SLC17A3: variants seen among roughly 807,000 people sequenced by gnomAD.
SLC17A3 encodes solute carrier family 17 member 3.
Under a neutral mutation model 60.3 loss-of-function variants are expected in SLC17A3, and 61 were observed. The ratio of observed to expected loss-of-function variants is 1.01; its 90% CI spans 0.82 to 1.25. The LOEUF is 1.25. SLC17A3 is among the 50% of genes most tolerant of loss of function. The pLI, the probability that SLC17A3 is intolerant of heterozygous loss-of-function variation, is 0.00. For missense variants in SLC17A3, 624 were observed against 594.9 expected (o/e 1.05, Z -0.51); for synonymous variants, 192 against 208.9 (o/e 0.92, Z 0.70).
chr6:25,850,197 T>G lies in SLC17A3; in HGVS notation c.994-20A>C. The G allele has an allele frequency of 6.2e-7, 1 of 1,609,524 alleles. No individual in the cohort carries two copies. The highest frequency in any genetic ancestry group is 8.5e-7 in the Non-Finnish European group (1 of 1,177,160). ...TCCATTCTAAAGAGAAAAGATTGAG[T>G]AAATTACCATAATAAAGGCAGTGAG... On this transcript the variant is annotated intron_variant, in intron 8 of 12. Coordinates refer to ENST00000397060, the MANE Select transcript of SLC17A3 (RefSeq NM_001098486.2).
rs1581528481 is a variant in SLC17A3 at position 25,862,021 on chromosome 6, C to T, written c.312G>A (p.Val104=). 6.2e-7 allele frequency: 1 copy of T among 1,603,330 alleles called. No individual in the cohort carries two copies. The highest frequency in any genetic ancestry group is 1.1e-5 in the South Asian group (1 of 89,074). ...CTTGGATTTGAGGAGACCAGTCATA[C>T]ACAGGAGCCTTAGAGAAACAGAGAA... is the stretch of plus-strand genomic sequence containing the variant. ...APKSLPAKAP[V]YDWSPQIQGI... The change falls in exon 4 of 13, where the codon GTG becomes GTA. Residue 104 remains valine (V), a synonymous_variant. Coordinates refer to ENST00000397060, the MANE Select transcript of SLC17A3 (RefSeq NM_001098486.2).
In SLC17A3 at chr6:25,848,627, G is replaced by T. The variant is rs375327588; in HGVS notation, c.1362+747C>A. ...AGATAGATCAAGGACTTAAATCTAA[G>T]ACCTGAAACTATAACAATTCTAGAA... On this transcript the variant is annotated intron_variant, in intron 11 of 12. Transcript: ENST00000397060. Among the ~76,000 whole-genome samples the T allele has an allele frequency of 7.9e-5, 12 of 152,260 alleles. No homozygotes were observed. The East Asian group carries it at 2.1e-3, about 27-fold the overall frequency.
chr6:25,845,239 G>T lies in SLC17A3; in HGVS notation c.*62C>A. ...ATCTTTTCACTGGTATTTTCATCAC[G>T]GAAGCCTTCTATTTTATGCAATACG... On this transcript the variant is annotated 3_prime_UTR_variant, in exon 13 of 13. Coordinates refer to ENST00000397060, the MANE Select transcript of SLC17A3 (RefSeq NM_001098486.2). 1.1e-6 allele frequency: 1 copy of T among 906,404 alleles called. No individual in the cohort carries two copies. The highest frequency in any genetic ancestry group is 1.7e-6 in the Non-Finnish European group (1 of 584,864). 56.1% of individuals were successfully genotyped at this position (906,404 alleles called of 1,614,324 possible).
At chr6:25,861,364 C>T in intron 5 of SLC17A3, among the ~76,000 whole-genome samples, 1 of 151,980 alleles carries the variant, frequency 6.6e-6, no homozygotes, top group East Asian at 1.9e-4. Flanking sequence ...AATCCAGATG[C>T]CATGAAAATG....
intron 1 of SLC17A3, among the ~76,000 whole-genome samples, chr6:25,873,689 T>C (rs1298801639): frequency 6.6e-6 from 1 of 152,126 alleles, no homozygotes; most frequent in African/African-American, 2.4e-5. Context: ...AGATGCTTTC[T>C]TGGACCAGAG....
In SLC17A3 at chr6:25,872,817, C is replaced by T. The variant is rs151289360; in HGVS notation, c.-34+1350G>A. On this transcript the variant is annotated intron_variant, in intron 1 of 12. Coordinates refer to ENST00000397060, the MANE Select transcript of SLC17A3 (RefSeq NM_001098486.2). ...ACAGACAGGTCAACGTCCCCTGATT[C>T]CATACCGATCTTCCCATTTGTCTCC... is the stretch of plus-strand genomic sequence containing the variant. 2.0e-4 allele frequency among the ~76,000 whole-genome samples: 30 copies of T among 152,058 alleles called. No homozygotes were observed. The East Asian group carries it at 5.6e-3, about 29-fold the overall frequency.
At chr6:25,860,303 C>T (rs189982811) in intron 5 of SLC17A3, among the ~76,000 whole-genome samples, 1 of 148,040 alleles carries the variant, frequency 6.8e-6, no homozygotes, top group Non-Finnish European at 1.5e-5. Flanking sequence ...CCTTAGAAGA[C>T]AGTACACCGT....
At chr6:25,871,082 G>A (rs912145858) in intron 1 of SLC17A3, among the ~76,000 whole-genome samples, 5 of 152,132 alleles carry the variant, frequency 3.3e-5, no homozygotes, top group Non-Finnish European at 4.4e-5. Context: ...TCAGTGTGGC[G>A]ATTCCTCAGG....
chr6:25,845,259 A>G lies in SLC17A3; in HGVS notation c.*42T>C, dbSNP rs1765152329. The G allele has an allele frequency of 5.1e-6, 6 of 1,166,726 alleles. No homozygotes were observed. The highest frequency in any genetic ancestry group is 7.6e-6 in the Non-Finnish European group (6 of 788,532). 72.3% of individuals were successfully genotyped at this position (1,166,726 alleles called of 1,614,324 possible). A position where few individuals can be genotyped will look rare whatever the true frequency, so the allele number is the denominator to read the frequency against. ...ATCACGGAAGCCTTCTATTTTATGCAATACGGTGCCTAATGACTTTTCCAT... is the reference window on the plus strand; with the variant it reads ...ATCACGGAAGCCTTCTATTTTATGCGATACGGTGCCTAATGACTTTTCCAT... On this transcript the variant is annotated 3_prime_UTR_variant, in exon 13 of 13. Transcript: ENST00000397060.
intron 6 of SLC17A3, among the ~76,000 whole-genome samples, chr6:25,854,307 AT>A (rs1235224387): frequency 6.6e-6 from 1 of 152,078 alleles, no homozygotes; most frequent in Non-Finnish European, 1.5e-5. Context: ...TGCTTCATGT[AT>A]TTTGAAGTTC....
At position 25,845,484 on chromosome 6, in the gene SLC17A3, G is replaced by C. The variant is rs776208392; in HGVS notation, c.1395C>G (p.Phe465Leu). 3 of 1,613,954 alleles carry C rather than the reference G, an allele frequency of 1.9e-6. No homozygotes were observed. In the South Asian group the frequency reaches 3.3e-5, roughly 18 times the overall value. ...DPEFGWRNVF[F>L]LLFAVNLLGL... is the part of the protein sequence containing the mutation. ...CTAACAGGTTAACGGCAAACAGCAA[G>C]AAGAAGACATTCCTCCACCCAAACT... The change falls in exon 12 of 13, where the codon TTC becomes TTG. Residue 465 changes from phenylalanine to leucine, a missense_variant. Phe to Leu is a conservative substitution (Grantham distance 22). Coordinates refer to ENST00000397060, the MANE Select transcript of SLC17A3 (RefSeq NM_001098486.2).
At chr6:25,859,989 C>T (rs931627839) in intron 5 of SLC17A3, among the ~76,000 whole-genome samples, 3 of 152,014 alleles carry the variant, frequency 2.0e-5, no homozygotes, top group Non-Finnish European at 4.4e-5. Context: ...GGTAGTGTAC[C>T]TTAGGCTACC....
intron 5 of SLC17A3, among the ~76,000 whole-genome samples, chr6:25,861,173 A>G (rs1765440121): frequency 6.6e-6 from 1 of 152,194 alleles, no homozygotes; most frequent in Non-Finnish European, 1.5e-5. Context: ...CATTGTCAGC[A>G]AGAAGTTCTC....
chr6:25,857,118 G>A (rs905148681), intron 5 of SLC17A3, among the ~76,000 whole-genome samples: 10 of 151,848 alleles, frequency 6.6e-5, no homozygotes, highest in Non-Finnish European at 1.2e-4. Flanking sequence ...GAGCCTAGGA[G>A]TTCAAGGCTG....
intron 1 of SLC17A3, among the ~76,000 whole-genome samples, chr6:25,872,509 A>G (rs1308182363): frequency 6.6e-6 from 1 of 150,700 alleles, no homozygotes; most frequent in African/African-American, 2.4e-5. Context: ...AAAGACACAC[A>G]CTTACATAAA....
intron 8 of SLC17A3, 128 bp downstream of exon 8, chr6:25,850,331 C>G (rs564920762): frequency 3.7e-5 from 49 of 1,312,600 alleles, no homozygotes; most frequent in Non-Finnish European, 5.0e-5. Context: ...AAGCTACTGG[C>G]ATGAGTATTA....
At chr6:25,855,702 CAGAA>C (rs1304519058) in intron 5 of SLC17A3, among the ~76,000 whole-genome samples, 1 of 152,148 alleles carries the variant, frequency 6.6e-6, no homozygotes, top group Non-Finnish European at 1.5e-5. Context: ...AATATGTAGA[CAGAA>C]AGCTAGATTT....
chr6:25,868,438 A>G lies in SLC17A3; in HGVS notation c.-33-18T>C. 2 of 1,418,270 alleles carry G rather than the reference A, an allele frequency of 1.4e-6. No individual in the cohort carries two copies. Among genetic ancestry groups the G allele is most frequent in the Non-Finnish European group, 1.0e-6 (1 of 1,002,700 alleles). 87.9% of individuals were successfully genotyped at this position (1,418,270 alleles called of 1,614,324 possible). ...GTTTTCACCTATCAGGGAGATATGTAATTCACATGCATCAGTTGAGAGAAA... is the reference window on the plus strand; with the variant it reads ...GTTTTCACCTATCAGGGAGATATGTGATTCACATGCATCAGTTGAGAGAAA... On this transcript the variant is annotated intron_variant, in intron 1 of 12. Coordinates refer to ENST00000397060, the MANE Select transcript of SLC17A3 (RefSeq NM_001098486.2).
Position 25,861,638 on chromosome 6 carries a change from C to T in SLC17A3, c.611G>A (p.Ser204Asn). 2 of 1,613,908 alleles carry T rather than the reference C, an allele frequency of 1.2e-6. No individual in the cohort carries two copies. The highest frequency in any genetic ancestry group is 1.7e-6 in the Non-Finnish European group (2 of 1,179,774). Residue 204 changes from serine (S) to asparagine (N), a missense_variant, in exon 5 of 13, where the codon AGC becomes AAC. Physicochemically the swap from Ser to Asn is conservative, Grantham distance 46. Coordinates refer to ENST00000397060, the MANE Select transcript of SLC17A3 (RefSeq NM_001098486.2). ...GPPQERSRLC[S>N]IALSGMLLGC... ...CATGTCCTTACCTGATAAAGCAATG[C>T]TGCAGAGTCTGCTTCGTTCTTGTGG... is the stretch of plus-strand genomic sequence containing the variant.
Sources: gnomAD v4.1 joint callset for allele counts (sites outside exome capture counted in the v4.1 genomes callset) on GRCh38, gnomAD v4.1.1 for gene constraint, MANE v1.5 for transcripts, NCBI Gene and HGNC (gene_info 2026-07-23, HGNC 2026-07-21) for gene names.